The following PEAK1 variants were observed in gnomAD, a reference collection of about 807,000 sequenced individuals.
PEAK1 encodes pseudopodium enriched atypical kinase 1.
In PEAK1, 54 loss-of-function variants were observed where a neutral mutation model predicts 124.7. The ratio of observed to expected loss-of-function variants is 0.43; its 90% CI spans 0.35 to 0.54. The LOEUF is 0.54. Among genes scored for constraint, PEAK1 ranks in the 20% least tolerant of loss-of-function variants. The pLI is 0.01. For missense variants in PEAK1, 2,046 were observed against 2,134.5 expected (o/e 0.96, Z 0.82); for synonymous variants, 719 against 760.0 (o/e 0.95, Z 0.89).
intron 2 of PEAK1, chr15:77,352,373 C>T (rs1455025147): frequency 1.0e-6 from 1 of 985,192 alleles, no homozygotes; most frequent in Non-Finnish European, 1.2e-6. Context: ...AACCCCAGAA[C>T]TCTGCTCAAA....
At position 77,167,907 on chromosome 15, in the gene PEAK1, G is replaced by A. The variant is rs568121056; in HGVS notation, c.3138-9211C>T. Reference sequence around the variant, plus strand: ...CCCCCATGCCCCCACCCCACGACAGGCCCCGGTGTGTGAGGTTCCCCGCCC... The same window carrying A: ...CCCCCATGCCCCCACCCCACGACAGACCCCGGTGTGTGAGGTTCCCCGCCC... On this transcript the variant is annotated intron_variant, in intron 7 of 9. Transcript: ENST00000682557. Among the ~76,000 whole-genome samples, 406 of 152,090 alleles carry A rather than the reference G, an allele frequency of 2.7e-3. 1 individual carries two copies. Among genetic ancestry groups the A allele is most frequent in the African/African-American group, 9.5e-3 (393 of 41,462 alleles).
At chr15:77,164,071 C>T (rs1364023496) in intron 7 of PEAK1, among the ~76,000 whole-genome samples, 1 of 152,128 alleles carries the variant, frequency 6.6e-6, no homozygotes, top group Non-Finnish European at 1.5e-5. Flanking sequence ...AAAAACAAAA[C>T]AAAACAAAAC....
chr15:77,324,588 G>A (rs1165095132), intron 2 of PEAK1, among the ~76,000 whole-genome samples: 1 of 152,106 alleles, frequency 6.6e-6, no homozygotes, highest in Non-Finnish European at 1.5e-5. Context: ...GGTATATTTG[G>A]CTTATAGTGC....
At chr15:77,129,522 G>A (rs924372555) in intron 9 of PEAK1, among the ~76,000 whole-genome samples, 5 of 149,774 alleles carry the variant, frequency 3.3e-5, no homozygotes, top group South Asian at 4.2e-4. Flanking sequence ...TGCAACCTCC[G>A]CCTCCTGGGT....
chr15:77,318,280 T>C (rs1054931740), intron 2 of PEAK1, among the ~76,000 whole-genome samples: 2 of 152,224 alleles, frequency 1.3e-5, no homozygotes, highest in African/African-American at 4.8e-5. Flanking sequence ...TTTTGTAAGA[T>C]GTTATGATTG....
intron 5 of PEAK1, among the ~76,000 whole-genome samples, chr15:77,272,238 A>G (rs527895556): frequency 5.3e-4 from 80 of 152,338 alleles, no homozygotes; most frequent in African/African-American, 1.6e-3. Context: ...CAAGCCCAAC[A>G]GAAGAAAACA....
At chr15:77,159,450 C>T (rs148302518) in intron 7 of PEAK1, among the ~76,000 whole-genome samples, 144 of 152,344 alleles carry the variant, frequency 9.5e-4, no homozygotes, top group Non-Finnish European at 1.6e-3. Flanking sequence ...CCATCTTCCC[C>T]ACTCCCCAAT....
At position 77,179,465 on chromosome 15, in the gene PEAK1, A is replaced by T. The variant is rs1196563302; in HGVS notation, c.2462T>A (p.Phe821Tyr). 6.2e-7 allele frequency: 1 copy of T among 1,614,006 alleles called. No homozygotes were observed. Among genetic ancestry groups the T allele is most frequent in the East Asian group, 2.2e-5 (1 of 44,866 alleles). ...KSTPVRPKSLFTSQPSGEAEA... is the reference protein window; with the variant it reads ...KSTPVRPKSLYTSQPSGEAEA... ...AGCCTCACCACTAGGCTGAGATGTA[A>T]AGAGAGATTTGGGCCGGACTGGCGT... Residue 821 changes from phenylalanine to tyrosine, a missense_variant, in exon 7 of 10, where the codon TTT becomes TAT. By Grantham distance (22) the Phe-to-Tyr change is conservative. Coordinates refer to ENST00000682557, the MANE Select transcript of PEAK1 (RefSeq NM_001385026.1).
chr15:77,228,554 T>G (rs775844498), intron 6 of PEAK1, among the ~76,000 whole-genome samples: 18 of 152,100 alleles, frequency 1.2e-4, no homozygotes, highest in Non-Finnish European at 1.8e-4. Context: ...ACAACTGGAT[T>G]AAAATATCAC....
In PEAK1 at chr15:77,332,216, G is replaced by A; in HGVS notation, c.-603+32947C>T. 4.1e-6 allele frequency: 4 copies of A among 980,580 alleles called. No individual in the cohort carries two copies. In the South Asian group the frequency reaches 1.9e-4, roughly 46 times the overall value. 60.7% of individuals were successfully genotyped at this position (980,580 alleles called of 1,614,324 possible). A position where few individuals can be genotyped will look rare whatever the true frequency, so the allele number is the denominator to read the frequency against. Reference sequence around the variant, plus strand: ...TTCTCCTCACTAACAATGCATATGTGAGTCCTTTTTTGACAAAACACAAAA... The same window carrying A: ...TTCTCCTCACTAACAATGCATATGTAAGTCCTTTTTTGACAAAACACAAAA... On this transcript the variant is annotated intron_variant, in intron 2 of 9. Coordinates refer to ENST00000682557, the MANE Select transcript of PEAK1 (RefSeq NM_001385026.1).
chr15:77,305,090 T>G (rs867059382), intron 2 of PEAK1, among the ~76,000 whole-genome samples: 3 of 150,256 alleles, frequency 2.0e-5, no homozygotes, highest in Non-Finnish European at 3.0e-5. Flanking sequence ...CTATAGTAAG[T>G]TGAGATTGAG....
chr15:77,283,167 A>C (rs2062757923), intron 5 of PEAK1, among the ~76,000 whole-genome samples: 1 of 152,206 alleles, frequency 6.6e-6, no homozygotes, highest in African/African-American at 2.4e-5. Flanking sequence ...AGGACATAAT[A>C]CATTTTTCTT....
chr15:77,404,761 G>GA (rs1374792478), intron 1 of PEAK1: 1 of 961,494 alleles, frequency 1.0e-6, no homozygotes, highest in Non-Finnish European at 1.2e-6. Context: ...TACATTATCA[G>GA]AAAAAAAGAG....
At chr15:77,121,355 T>A (rs2051901316) in intron 9 of PEAK1, among the ~76,000 whole-genome samples, 1 of 152,214 alleles carries the variant, frequency 6.6e-6, no homozygotes, top group Admixed American at 6.5e-5. Flanking sequence ...AAAGGCAGCA[T>A]CTGATCCAGT....
chr15:77,348,058 T>C (rs2066976830), intron 2 of PEAK1: 2 of 985,154 alleles, frequency 2.0e-6, no homozygotes, highest in Non-Finnish European at 2.4e-6. Flanking sequence ...TATGCACTTT[T>C]CTACAAAAAC....
At chr15:77,381,548 A>G in intron 1 of PEAK1, 1 of 816,638 alleles carries the variant, frequency 1.2e-6, no homozygotes, top group Non-Finnish European at 1.5e-6. Flanking sequence ...TTCATTGAGT[A>G]AACAGAAAGG....
At chr15:77,233,880 G>T (rs1265583107) in intron 6 of PEAK1, among the ~76,000 whole-genome samples, 6 of 150,916 alleles carry the variant, frequency 4.0e-5, no homozygotes, top group African/African-American at 1.5e-4. Flanking sequence ...TCTTTTTTTT[G>T]AAAGACATAG....
intron 2 of PEAK1, among the ~76,000 whole-genome samples, chr15:77,328,829 G>T (rs1363141547): frequency 2.0e-5 from 3 of 152,240 alleles, no homozygotes; most frequent in African/African-American, 7.2e-5. Flanking sequence ...CATTCAGGAA[G>T]CAACAACAAA....
In PEAK1 at chr15:77,143,148, C is replaced by T. The variant is rs139647904; in HGVS notation, c.3332-9398G>A. ...GTGGGGTCTCCTTCCCAAAGCTGCC[C>T]CAGCCCTATTTTCTCTTGGCTAATG... On this transcript the variant is annotated intron_variant, in intron 8 of 9. Coordinates refer to ENST00000682557, the MANE Select transcript of PEAK1 (RefSeq NM_001385026.1). Among the ~76,000 whole-genome samples the T allele has an allele frequency of 4.7e-3, 712 of 152,244 alleles. 4 individuals are homozygous for T. The highest frequency in any genetic ancestry group is 0.016 in the African/African-American group (661 of 41,552).
Sources: allele counts gnomAD v4.1 joint callset (sites outside exome capture counted in the v4.1 genomes callset), GRCh38; gene constraint gnomAD v4.1.1; transcripts MANE v1.5; gene names NCBI Gene and HGNC (gene_info 2026-07-23, HGNC 2026-07-21).